ROBO2: variants seen among roughly 807,000 people sequenced by gnomAD.
The protein encoded by ROBO2 is roundabout guidance receptor 2.
Under a neutral mutation model 160.8 loss-of-function variants are expected in ROBO2, and 53 were observed. That is an observed-to-expected ratio of 0.33 (90% CI 0.26 to 0.41). The LOEUF is 0.41. ROBO2 is among the 10% of genes least tolerant of loss of function. The pLI, the probability that ROBO2 is intolerant of heterozygous loss-of-function variation, is 1.00. For synonymous variants in ROBO2, 664 were observed against 611.7 expected (o/e 1.09, Z -1.26); for missense variants, 1,577 against 1,722.4 (o/e 0.92, Z 1.49).
At chr3:77,031,119 G>A (rs553804978) in intron 2 of ROBO2, among the ~76,000 whole-genome samples, 2 of 152,238 alleles carry the variant, frequency 1.3e-5, no homozygotes, top group African/African-American at 4.8e-5. Flanking sequence ...ATAAGAAATT[G>A]TGTTATTTGT....
At chr3:76,910,590 G>T (rs760169961) in intron 2 of ROBO2, among the ~76,000 whole-genome samples, 1 of 151,700 alleles carries the variant, frequency 6.6e-6, no homozygotes, top group Non-Finnish European at 1.5e-5. Context: ...GCTGGGCGTG[G>T]TGGCATGCAC....
intron 1 of ROBO2, among the ~76,000 whole-genome samples, chr3:77,065,692 G>A (rs781681462): frequency 1.3e-4 from 20 of 152,072 alleles, no homozygotes; most frequent in Non-Finnish European, 2.8e-4. Flanking sequence ...AACTAAAATA[G>A]TAAAATAATG....
intron 2 of ROBO2, among the ~76,000 whole-genome samples, chr3:76,872,513 AAT>A (rs2072219675): frequency 6.6e-6 from 1 of 151,964 alleles, no homozygotes; most frequent in South Asian, 2.1e-4. Flanking sequence ...GTGCTCAAGA[AAT>A]ATATTATTTA....
chr3:76,171,921 A>G (rs544606195), intron 2 of ROBO2, among the ~76,000 whole-genome samples: 1 of 152,216 alleles, frequency 6.6e-6, no homozygotes, highest in South Asian at 2.1e-4. Flanking sequence ...AATTTTGCAT[A>G]TATACCAACC....
intron 2 of ROBO2, among the ~76,000 whole-genome samples, chr3:76,710,361 C>G (rs1471318285): frequency 6.6e-6 from 1 of 152,112 alleles, no homozygotes; most frequent in Non-Finnish European, 1.5e-5. Flanking sequence ...CCTTGTGATC[C>G]TCCTGCCTTG....
At chr3:76,863,455 A>AG (rs1313737742) in intron 2 of ROBO2, among the ~76,000 whole-genome samples, 105 of 150,932 alleles carry the variant, frequency 7.0e-4, no homozygotes, top group African/African-American at 2.4e-3. Context: ...AAGAAAAAAG[A>AG]AAAGAAAAGA....
At chr3:76,728,706 C>A (rs370350521) in intron 2 of ROBO2, among the ~76,000 whole-genome samples, 1 of 152,188 alleles carries the variant, frequency 6.6e-6, no homozygotes, top group Non-Finnish European at 1.5e-5. Flanking sequence ...CTGCAACCTA[C>A]AGTCCAGTCA....
At chr3:77,098,136 A>G (rs2071353887) in exon 2 of ROBO2, 2 of 1,614,198 alleles carry the variant, frequency 1.2e-6, no homozygotes, top group Non-Finnish European at 8.5e-7. Context: ...AACGCCCACC[A>G]TTGAGTGGTA....
rs532179568 is a variant in ROBO2, at chr3:77,300,162, A to G, written c.389-177252A>G. On this transcript the variant is annotated intron_variant, in intron 2 of 25. Coordinates refer to ENST00000461745, the Ensembl canonical transcript of ROBO2. Reference sequence around the variant, plus strand: ...AGGGAAATTGACATAGAATTAAATAAATTGTGCAGTAGGGAAATGAATTTT... The same window carrying G: ...AGGGAAATTGACATAGAATTAAATAGATTGTGCAGTAGGGAAATGAATTTT... Among the ~76,000 whole-genome samples the G allele has an allele frequency of 5.9e-5, 9 of 151,466 alleles. No individual in the cohort carries two copies. The Admixed American group carries it at 6.0e-4, about 10-fold the overall frequency.
At chr3:77,407,472 G>A (rs1380165135) in intron 2 of ROBO2, among the ~76,000 whole-genome samples, 5 of 152,190 alleles carry the variant, frequency 3.3e-5, no homozygotes, top group African/African-American at 1.2e-4. Flanking sequence ...GCTAATTACA[G>A]TACAACATGT....
At chr3:77,065,945 T>A (rs1394211977) in intron 1 of ROBO2, among the ~76,000 whole-genome samples, 1 of 152,168 alleles carries the variant, frequency 6.6e-6, no homozygotes, top group Non-Finnish European at 1.5e-5. Context: ...TTGGCGTAAT[T>A]GGCATTCTCC....
At chr3:76,978,215 A>T (rs1474436568) in intron 2 of ROBO2, among the ~76,000 whole-genome samples, 1 of 152,194 alleles carries the variant, frequency 6.6e-6, no homozygotes, top group Non-Finnish European at 1.5e-5. Flanking sequence ...TACATATTCA[A>T]GGCTCTGATT....
intron 2 of ROBO2, among the ~76,000 whole-genome samples, chr3:76,217,647 G>C (rs1559651748): frequency 2.0e-5 from 3 of 152,092 alleles, no homozygotes; most frequent in African/African-American, 7.2e-5. Context: ...ACAATAACAG[G>C]CTCTGAAATT....
rs1048639858 is a variant in ROBO2, at chr3:77,341,931, GAAAT to G, written c.389-135479_389-135476del. Among the ~76,000 whole-genome samples, 20 of 152,126 alleles carry G rather than the reference GAAAT, an allele frequency of 1.3e-4. 1 individual carries two copies. Among genetic ancestry groups the G allele is most frequent in the African/African-American group, 4.6e-4 (19 of 41,510 alleles). On this transcript the variant is annotated intron_variant, in intron 2 of 25. Transcript: ENST00000461745. ...ATGCATTTGTAGTTTGAGAAAGAAA[GAAAT>G]AAAAGAGAACAAAGAAAGCATATTC...
chr3:77,373,111 A>G (rs1337333667), intron 2 of ROBO2, among the ~76,000 whole-genome samples: 1 of 147,170 alleles, frequency 6.8e-6, no homozygotes, highest in African/African-American at 2.4e-5. Context: ...AATATTTTAA[A>G]ATTATTATAA....
intron 2 of ROBO2, among the ~76,000 whole-genome samples, chr3:76,426,636 A>G (rs770983556): frequency 3.9e-5 from 6 of 152,174 alleles, no homozygotes; most frequent in Non-Finnish European, 7.4e-5. Flanking sequence ...GAGAGTGGGA[A>G]GTGGGCTTAG....
At chr3:77,241,468 G>C (rs2089026379) in intron 2 of ROBO2, among the ~76,000 whole-genome samples, 1 of 152,098 alleles carries the variant, frequency 6.6e-6, no homozygotes, top group Non-Finnish European at 1.5e-5. Context: ...TAGTTTTCTT[G>C]TTTCATTCAA....
chr3:77,579,810 A>C (rs1385231937), intron 15 of ROBO2, 137 bp from the exon 17 acceptor site: 1 of 740,054 alleles, frequency 1.4e-6, no homozygotes, highest in African/African-American at 1.7e-5. Flanking sequence ...GGGCTTTAGA[A>C]GATGTCATTT....
At chr3:75,989,786 CAG>C (rs1374139265) in intron 2 of ROBO2, among the ~76,000 whole-genome samples, 13 of 152,226 alleles carry the variant, frequency 8.5e-5, no homozygotes, top group African/African-American at 3.1e-4. Context: ...GATAGAGAAA[CAG>C]ATGAACTGAT....
Sources: allele counts gnomAD v4.1 joint callset (sites outside exome capture counted in the v4.1 genomes callset), GRCh38; gene constraint gnomAD v4.1.1; transcripts MANE v1.5; gene names NCBI Gene and HGNC (gene_info 2026-07-23, HGNC 2026-07-21).